Variants in SLC67A2 observed in about 807,000 individuals in gnomAD.
SLC67A2 encodes the protein solute carrier family 67 member 2.
chr2:102,719,042 A>G, the SLC67A2 span: 1 of 1,614,116 alleles, frequency 6.2e-7, no homozygotes, highest in Non-Finnish European at 8.5e-7. Context: ...CACTACTTCG[A>G]CCCAGGGCTG....
chr2:102,729,391 G>A, the SLC67A2 span, among the ~76,000 whole-genome samples: 16 of 152,294 alleles, frequency 1.1e-4, 1 homozygote, highest in East Asian at 2.3e-3. Context: ...CAGAGTCCAG[G>A]AAGAGAAAAC....
the SLC67A2 span, among the ~76,000 whole-genome samples, chr2:102,727,276 T>G: frequency 2.6e-5 from 4 of 152,186 alleles, no homozygotes; most frequent in Non-Finnish European, 5.9e-5. Context: ...AGCCTCATTA[T>G]TGTCTCCATT....
the SLC67A2 span, among the ~76,000 whole-genome samples, chr2:102,735,922 G>A: frequency 1.3e-5 from 2 of 152,014 alleles, no homozygotes; most frequent in Non-Finnish European, 2.9e-5. Flanking sequence ...AAAGGTAGAT[G>A]GGTACAATTC....
the SLC67A2 span, chr2:102,732,421 T>C: frequency 6.3e-7 from 1 of 1,596,176 alleles, no homozygotes; most frequent in Non-Finnish European, 8.5e-7. Flanking sequence ...TAAAACAAAA[T>C]AAATGCTGAT....
chr2:102,718,151 GGAA>G, the SLC67A2 span: 1 of 431,508 alleles, frequency 2.3e-6, no homozygotes, highest in Non-Finnish European at 4.1e-6. Flanking sequence ...AGCCCAGGTG[GGAA>G]GAAGAGACTT....
the SLC67A2 span, among the ~76,000 whole-genome samples, chr2:102,726,613 T>C: frequency 3.3e-5 from 5 of 151,970 alleles, no homozygotes; most frequent in South Asian, 8.3e-4. Flanking sequence ...CACACACACA[T>C]GCTCGCGCAC....
the SLC67A2 span, chr2:102,718,563 G>A: frequency 6.2e-7 from 1 of 1,613,224 alleles, no homozygotes; most frequent in African/African-American, 1.3e-5. Context: ...CCCGAGAGGA[G>A]AGGGGCGATG....
At chr2:102,730,074 G>A in the SLC67A2 span, among the ~76,000 whole-genome samples, 7 of 152,322 alleles carry the variant, frequency 4.6e-5, no homozygotes, top group Middle Eastern at 3.4e-3. Flanking sequence ...ACCACTGGAC[G>A]CTGAGGTCTC....
the SLC67A2 span, among the ~76,000 whole-genome samples, chr2:102,724,432 A>G: frequency 6.6e-6 from 1 of 152,140 alleles, no homozygotes; most frequent in Non-Finnish European, 1.5e-5. Flanking sequence ...ACCAATACCA[A>G]TGGATTTCCT....
chr2:102,726,816 G>GAAAA, the SLC67A2 span: 945 of 1,302,354 alleles, frequency 7.3e-4, 5 homozygotes, highest in South Asian at 3.4e-3. Flanking sequence ...AGCTACGTTT[G>GAAAA]AAAAAAAAAA....
chr2:102,733,370 G>A, the SLC67A2 span, among the ~76,000 whole-genome samples: 2 of 152,096 alleles, frequency 1.3e-5, no homozygotes, highest in African/African-American at 4.8e-5. Flanking sequence ...TTTTCCTTGA[G>A]CTCAGAGTTA....
chr2:102,718,439 C>T, the SLC67A2 span: 2 of 1,614,022 alleles, frequency 1.2e-6, no homozygotes, highest in Admixed American at 3.3e-5. Context: ...TTTTAATTTA[C>T]TATTCCCATC....
chr2:102,718,358 C>A, the SLC67A2 span: 1 of 1,578,734 alleles, frequency 6.3e-7, no homozygotes, highest in Non-Finnish European at 8.6e-7. Context: ...CCCTTTTCAT[C>A]ATGGCCTCCG....
At chr2:102,727,123 G>A in the SLC67A2 span, 1,197 of 782,850 alleles carry the variant, frequency 1.5e-3, 1 homozygote, top group Non-Finnish European at 2.0e-3. Context: ...ATTTGTCAGA[G>A]TAAGTTATTT....
At chr2:102,719,206 A>G in the SLC67A2 span, 1 of 1,608,910 alleles carries the variant, frequency 6.2e-7, no homozygotes, top group Non-Finnish European at 8.5e-7. Flanking sequence ...ACCAAACGAG[A>G]CCTGTTAAAA....
chr2:102,716,053 A>G, the SLC67A2 span: 1 of 152,190 alleles, frequency 6.6e-6, no homozygotes, highest in Non-Finnish European at 1.5e-5. Context: ...TTTAAAGAGG[A>G]AGACATTAGA....
At chr2:102,722,595 C>T in the SLC67A2 span, among the ~76,000 whole-genome samples, 4 of 152,264 alleles carry the variant, frequency 2.6e-5, no homozygotes, top group South Asian at 2.1e-4. Context: ...CCCTTCCTCA[C>T]ATCACATTAC....
chr2:102,732,691 A>T, the SLC67A2 span, among the ~76,000 whole-genome samples: 2,489 of 152,320 alleles, frequency 0.016, 71 homozygotes, highest in African/African-American at 0.058. Flanking sequence ...TGGATAAGTC[A>T]TAAGAAAAAA....
chr2:102,722,565 T>C, the SLC67A2 span, among the ~76,000 whole-genome samples: 3 of 152,182 alleles, frequency 2.0e-5, no homozygotes, highest in Non-Finnish European at 4.4e-5. Flanking sequence ...ATATGTATCA[T>C]GCAGAAGAAT....
Sources: allele counts gnomAD v4.1 joint callset (sites outside exome capture counted in the v4.1 genomes callset), GRCh38; gene constraint gnomAD v4.1.1; transcripts MANE v1.5; gene names NCBI Gene and HGNC (gene_info 2026-07-23, HGNC 2026-07-21).